The following RBPJ variants were observed in gnomAD, a reference collection of about 807,000 sequenced individuals.
RBPJ encodes the protein recombination signal binding protein for immunoglobulin kappa J region, also known as recombining binding protein suppressor of hairless.
A neutral mutation model predicts 67.8 loss-of-function variants in RBPJ; 9 were observed. The ratio of observed to expected loss-of-function variants is 0.13; its 90% CI spans 0.08 to 0.23. The LOEUF (loss-of-function observed/expected upper bound fraction) is 0.23, where lower values mean the gene tolerates loss of function less well. Ranked by LOEUF, RBPJ falls within the 10% of genes least tolerant of loss-of-function variation. The pLI is 1.00. For synonymous variants in RBPJ, 198 were observed against 203.3 expected (o/e 0.97, Z 0.22); for missense variants, 305 against 595.6 (o/e 0.51, Z 5.08).
chr4:26,195,619 G>C (rs1381562436), intron 1 of RBPJ, among the ~76,000 whole-genome samples: 1 of 152,044 alleles, frequency 6.6e-6, no homozygotes, highest in Non-Finnish European at 1.5e-5. Context: ...TTTTGAGACG[G>C]AGTCTCACTC....
At position 26,244,239 on chromosome 4, in the gene RBPJ, A is replaced by G. The variant is rs1165763570; in HGVS notation, c.-167+80625A>G. Among the ~76,000 whole-genome samples the G allele has an allele frequency of 9.8e-4, 30 of 30,706 alleles. 1 individual carries two copies. Among genetic ancestry groups the G allele is most frequent in the Non-Finnish European group, 1.6e-3 (21 of 12,798 alleles). The allele number at this position is 30,706 out of a possible 152,430, so 20.1% of individuals were successfully genotyped here. On this transcript the variant is annotated intron_variant, in intron 1 of 4. Coordinates refer to the RBPJ transcript ENST00000512351. ...CATATGTGTACACATATATGTGTCT[A>G]TATATGTGTACACATACACATATGT...
chr4:26,314,323 G>A (rs1216319899), intron 1 of RBPJ, among the ~76,000 whole-genome samples: 2 of 151,988 alleles, frequency 1.3e-5, no homozygotes, highest in Non-Finnish European at 2.9e-5. Flanking sequence ...CAAAATATAG[G>A]TAATTTTACA....
At chr4:26,275,534 T>C (rs1188498104) in intron 1 of RBPJ, among the ~76,000 whole-genome samples, 1 of 152,192 alleles carries the variant, frequency 6.6e-6, no homozygotes. Context: ...AAGCAACATG[T>C]CAAGTCAGTC....
chr4:26,143,154 T>C, the RBPJ span, among the ~76,000 whole-genome samples: 4 of 152,232 alleles, frequency 2.6e-5, no homozygotes, highest in Non-Finnish European at 4.4e-5. Context: ...GAAGCCAGCA[T>C]AGATGCATGT....
At chr4:26,428,653 A>T in intron 7 of RBPJ, 67 bp from the exon 8 acceptor site, 1 of 1,219,092 alleles carries the variant, frequency 8.2e-7, no homozygotes, top group Non-Finnish European at 1.2e-6. Context: ...TGTACTTTTG[A>T]TGTTTTACAC....
intron 2 of RBPJ, among the ~76,000 whole-genome samples, chr4:26,389,225 T>TC (rs1731249104): frequency 6.7e-6 from 1 of 149,236 alleles, no homozygotes; most frequent in South Asian, 2.1e-4. Context: ...TGAGACCCCA[T>TC]CTAAAAAAAA....
intron 3 of RBPJ, among the ~76,000 whole-genome samples, chr4:26,412,563 C>T (rs1490740717): frequency 6.6e-6 from 1 of 152,094 alleles, no homozygotes; most frequent in Non-Finnish European, 1.5e-5. Flanking sequence ...TGTTCAACCA[C>T]TAAGTATAAA....
intron 1 of RBPJ, among the ~76,000 whole-genome samples, chr4:26,186,197 A>T (rs1427375966): frequency 4.7e-5 from 7 of 149,080 alleles, no homozygotes; most frequent in African/African-American, 1.7e-4. Context: ...TTTTTTAAAA[A>T]AAAAAAAAAA....
In RBPJ at chr4:26,431,184, TAAA is replaced by T. The variant is rs897964346; in HGVS notation, c.*202_*204del. The T allele has an allele frequency of 5.9e-4, 24 of 40,754 alleles. No individual in the cohort carries two copies. The highest frequency in any genetic ancestry group is 9.9e-4 in the South Asian group (1 of 1,010). 2.5% of individuals were successfully genotyped at this position (40,754 alleles called of 1,614,324 possible). On this transcript the variant is annotated 3_prime_UTR_variant, in exon 11 of 11. Coordinates refer to ENST00000355476, the MANE Select transcript of RBPJ (RefSeq NM_015874.6). ...CTGATTTGAAATGCAGAAGCCACAG[TAAA>T]AAAAAAAAAAAAAAAAAAAAAAAAG...
the RBPJ span, among the ~76,000 whole-genome samples, chr4:26,106,654 G>T: frequency 2.0e-5 from 3 of 152,232 alleles, no homozygotes; most frequent in East Asian, 5.8e-4. Flanking sequence ...CCTTGGTGTC[G>T]CTGTTTTGTA....
At chr4:26,210,475 G>T (rs370181883) in intron 1 of RBPJ, among the ~76,000 whole-genome samples, 3 of 152,182 alleles carry the variant, frequency 2.0e-5, no homozygotes, top group Admixed American at 1.3e-4. Flanking sequence ...CATTCCCATC[G>T]CATCAAAAAT....
chr4:26,221,508 A>G (rs1193697507), intron 1 of RBPJ, among the ~76,000 whole-genome samples: 1 of 152,250 alleles, frequency 6.6e-6, no homozygotes, highest in Non-Finnish European at 1.5e-5. Context: ...CAGAAAGGCT[A>G]TAATGATCTT....
chr4:26,431,085 C>T lies in RBPJ; in HGVS notation c.*78C>T, dbSNP rs1736176872. On this transcript the variant is annotated 3_prime_UTR_variant, in exon 11 of 11. Transcript: ENST00000355476. The stretch of plus-strand genomic sequence containing the variant: ...CAAAAAAGGAGAAAAAATGAACAAT[C>T]GTTTGTGGTTTCTTGGGAAAACTTT... The T allele has an allele frequency of 1.3e-5, 17 of 1,286,380 alleles. No individual in the cohort carries two copies. Among genetic ancestry groups the T allele is most frequent in the Non-Finnish European group, 1.7e-5 (16 of 934,864 alleles). The allele number at this position is 1,286,380 out of a possible 1,614,324, so 79.7% of individuals were successfully genotyped here.
At chr4:26,246,001 TCTC>T (rs1560227452) in intron 1 of RBPJ, among the ~76,000 whole-genome samples, 3 of 152,338 alleles carry the variant, frequency 2.0e-5, no homozygotes, top group Non-Finnish European at 4.4e-5. Context: ...AAAGGGTAAG[TCTC>T]CAAACTTGTT....
At chr4:26,310,563 TTAAA>T (rs1400741310) in intron 1 of RBPJ, among the ~76,000 whole-genome samples, 2 of 152,016 alleles carry the variant, frequency 1.3e-5, no homozygotes, top group Non-Finnish European at 2.9e-5. Flanking sequence ...CTCTTGGAAA[TTAAA>T]TAACAAAAAT....
intron 2 of RBPJ, 142 bp from the exon 3 acceptor site, chr4:26,406,033 T>C: frequency 1.9e-6 from 1 of 536,872 alleles, no homozygotes. Flanking sequence ...ATGGATTTAC[T>C]TTGCTTTATT....
intron 7 of RBPJ, among the ~76,000 whole-genome samples, chr4:26,427,339 G>A (rs1053387877): frequency 2.0e-5 from 3 of 152,180 alleles, no homozygotes; most frequent in Admixed American, 6.5e-5. Flanking sequence ...ATCTGTTTTC[G>A]ATATGCTAAG....
chr4:26,324,992 A>G (rs1279442403), intron 1 of RBPJ, among the ~76,000 whole-genome samples: 1 of 152,128 alleles, frequency 6.6e-6, no homozygotes, highest in Admixed American at 6.5e-5. Context: ...ATAATTTCAG[A>G]TTTGACTCTT....
chr4:26,187,310 G>A (rs1371489793), intron 1 of RBPJ, among the ~76,000 whole-genome samples: 3 of 152,104 alleles, frequency 2.0e-5, no homozygotes, highest in Non-Finnish European at 4.4e-5. Context: ...TCTTTGAACT[G>A]TTATTTCTGT....
Sources: gnomAD v4.1 joint callset for allele counts (sites outside exome capture counted in the v4.1 genomes callset) on GRCh38, gnomAD v4.1.1 for gene constraint, MANE v1.5 for transcripts, NCBI Gene and HGNC (gene_info 2026-07-23, HGNC 2026-07-21) for gene names.